GABRA2: variants seen among roughly 807,000 people sequenced by gnomAD.
GABRA2 encodes the protein gamma-aminobutyric acid type A receptor subunit alpha2.
A neutral mutation model predicts 48.7 loss-of-function variants in GABRA2; 16 were observed. The ratio of observed to expected loss-of-function variants is 0.33; its 90% CI spans 0.22 to 0.50. The LOEUF (loss-of-function observed/expected upper bound fraction) is 0.50. GABRA2 is among the 20% of genes least tolerant of loss of function. The pLI is 0.98. For synonymous variants in GABRA2, 185 were observed against 184.5 expected, an observed-to-expected ratio of 1.00 and a Z score of -0.02; for missense variants, 275 against 535.6, an observed-to-expected ratio of 0.51 and a Z score of 4.80.
intron 8 of GABRA2, among the ~76,000 whole-genome samples, chr4:46,300,797 A>T (rs1212280512): frequency 2.0e-5 from 3 of 152,060 alleles, no homozygotes; most frequent in African/African-American, 7.2e-5. Context: ...AAATCCATTG[A>T]TACCCTCCCT....
chr4:46,339,087 C>T (rs1364024354), intron 3 of GABRA2, among the ~76,000 whole-genome samples: 1 of 151,820 alleles, frequency 6.6e-6, no homozygotes, highest in African/African-American at 2.4e-5. Flanking sequence ...GTCATTCTGT[C>T]TTAAACTACA....
At chr4:46,340,911 T>C (rs535999591) in intron 3 of GABRA2, among the ~76,000 whole-genome samples, 1 of 152,108 alleles carries the variant, frequency 6.6e-6, no homozygotes, top group South Asian at 2.1e-4. Flanking sequence ...AAGGCTGTAT[T>C]CGTTTCTTCT....
rs575419416 is a variant in GABRA2 at position 46,382,711 on chromosome 4, T to A, written c.187+3363A>T. ...ACAATGGACTCTCCTTCTCTCAGAA[T>A]AAAATTCTATTATTCCCATTTTCCC... On this transcript the variant is annotated intron_variant, in intron 3 of 9. Transcript: ENST00000381620. Among the ~76,000 whole-genome samples, 89 of 152,290 alleles carry A rather than the reference T, an allele frequency of 5.8e-4. No individual in the cohort carries two copies. In the South Asian group the frequency reaches 0.014, roughly 23 times the overall value.
intron 8 of GABRA2, among the ~76,000 whole-genome samples, chr4:46,281,720 G>A (rs889996438): frequency 6.6e-6 from 1 of 152,152 alleles, no homozygotes; most frequent in Non-Finnish European, 1.5e-5. Flanking sequence ...GAGAAACTTT[G>A]AGGACAGTAA....
chr4:46,357,486 T>C (rs552402889), intron 3 of GABRA2, among the ~76,000 whole-genome samples: 2 of 150,150 alleles, frequency 1.3e-5, no homozygotes, highest in East Asian at 3.9e-4. Flanking sequence ...TTACTATGTG[T>C]ATAACCTTGG....
At chr4:46,360,506 C>T (rs1325130993) in intron 3 of GABRA2, among the ~76,000 whole-genome samples, 1 of 152,212 alleles carries the variant, frequency 6.6e-6, no homozygotes, top group Non-Finnish European at 1.5e-5. Context: ...GTGAGGCTTT[C>T]CCAGCCATGG....
rs1182899633 is a variant in GABRA2, at chr4:46,244,358, T to C, written c.*5950A>G. Reference sequence around the variant, plus strand: ...CAGTTGTTTTTACAAATAAACTTTGTTGGAAATATTCATGTATAGCCAATA... The same window carrying C: ...CAGTTGTTTTTACAAATAAACTTTGCTGGAAATATTCATGTATAGCCAATA... On this transcript the variant is annotated 3_prime_UTR_variant, in exon 10 of 10. Coordinates refer to ENST00000381620, the MANE Select transcript of GABRA2 (RefSeq NM_000807.4). The C allele has an allele frequency of 1.3e-5, 2 of 151,680 alleles. No individual in the cohort carries two copies. The highest frequency in any genetic ancestry group is 3.0e-5 in the Non-Finnish European group (2 of 67,732). 9.4% of individuals were successfully genotyped at this position (151,680 alleles called of 1,614,324 possible).
chr4:46,315,940 TATACAC>T (rs1409687942), intron 4 of GABRA2, among the ~76,000 whole-genome samples: 3 of 149,662 alleles, frequency 2.0e-5, no homozygotes, highest in East Asian at 2.0e-4. Context: ...TTAGTACATA[TATACAC>T]ACACACACAC....
intron 3 of GABRA2, among the ~76,000 whole-genome samples, chr4:46,355,254 G>T (rs1480617615): frequency 6.6e-6 from 1 of 152,076 alleles, no homozygotes; most frequent in Non-Finnish European, 1.5e-5. Context: ...ACTTCTTGCG[G>T]TATAAACATA....
chr4:46,294,903 C>T (rs187749315), intron 8 of GABRA2, among the ~76,000 whole-genome samples: 153 of 152,256 alleles, frequency 1.0e-3, no homozygotes, highest in Non-Finnish European at 1.4e-3. Flanking sequence ...CAGCAGCACT[C>T]GATCATCAAA....
chr4:46,378,284 G>A (rs1473815270), intron 3 of GABRA2, among the ~76,000 whole-genome samples: 24 of 152,270 alleles, frequency 1.6e-4, no homozygotes, highest in Middle Eastern at 6.8e-3. Context: ...AGAGGTAGAC[G>A]TGGGAGACTT....
rs1002830674 is a variant in GABRA2, at chr4:46,245,195, C to A, written c.*5113G>T. 1.3e-5 allele frequency among the ~76,000 whole-genome samples: 2 copies of A among 151,122 alleles called. No individual in the cohort carries two copies. Among genetic ancestry groups the A allele is most frequent in the Non-Finnish European group, 3.0e-5 (2 of 67,438 alleles). ...ACTAATATGCATAAAAAACTTAGAA[C>A]GTTGACTAGTATGTGATGGGCTCTC... On this transcript the variant is annotated 3_prime_UTR_variant, in exon 10 of 10. Coordinates refer to ENST00000381620, the MANE Select transcript of GABRA2 (RefSeq NM_000807.4).
intron 8 of GABRA2, among the ~76,000 whole-genome samples, chr4:46,283,430 C>T (rs1183286508): frequency 3.9e-5 from 6 of 152,108 alleles, no homozygotes; most frequent in East Asian, 1.9e-4. Context: ...ATGGTGCTGC[C>T]GTACTAGCCT....
chr4:46,367,490 A>G (rs544727428), intron 3 of GABRA2: 1 of 152,244 alleles, frequency 6.6e-6, no homozygotes, highest in African/African-American at 2.4e-5. Context: ...TTCAAAGAGT[A>G]TCTCTTTTTA....
intron 9 of GABRA2, among the ~76,000 whole-genome samples, chr4:46,251,170 C>T (rs1237632060): frequency 6.6e-6 from 1 of 151,396 alleles, no homozygotes; most frequent in Non-Finnish European, 1.5e-5. Context: ...TTGCTTAGCT[C>T]ATCCCGTTTC....
rs779732644 is a variant in GABRA2, at chr4:46,261,917, C to G, written c.1059+9G>C. ...TCTTAATAATGATAACACGGAAGCT[C>G]TCACTTACCTTGTCATTTACTACAC... On this transcript the variant is annotated intron_variant, in intron 9 of 9. Coordinates refer to ENST00000381620, the MANE Select transcript of GABRA2 (RefSeq NM_000807.4). The G allele has an allele frequency of 1.2e-5, 20 of 1,608,930 alleles. No individual in the cohort carries two copies. Among genetic ancestry groups the G allele is most frequent in the Admixed American group, 1.2e-4 (7 of 59,934 alleles).
At chr4:46,281,856 T>C (rs909729985) in intron 8 of GABRA2, among the ~76,000 whole-genome samples, 1 of 150,962 alleles carries the variant, frequency 6.6e-6, no homozygotes, top group Non-Finnish European at 1.5e-5. Context: ...ATATTTATCT[T>C]TCTTCTAGAG....
rs748219768 is a variant in GABRA2 at position 46,310,275 on chromosome 4, T to C, written c.477-20A>G. On this transcript the variant is annotated intron_variant, in intron 5 of 9. Coordinates refer to ENST00000381620, the MANE Select transcript of GABRA2 (RefSeq NM_000807.4). ...GTAAGCCTAAAAGTCAAAATTTCAC[T>C]ATTTGTTTAAGTATATTGGTAAGTC... 1.4e-5 allele frequency: 22 copies of C among 1,600,040 alleles called. 1 individual carries two copies. In the South Asian group the frequency reaches 2.2e-4, roughly 16 times the overall value.
intron 3 of GABRA2, chr4:46,365,602 A>G (rs1429316955): frequency 6.6e-6 from 1 of 152,104 alleles, no homozygotes; most frequent in African/African-American, 2.4e-5. Context: ...ATTACAAATA[A>G]TTTCATTACT....
Sources: gnomAD v4.1 joint callset for allele counts (sites outside exome capture counted in the v4.1 genomes callset) on GRCh38, gnomAD v4.1.1 for gene constraint, MANE v1.5 for transcripts, NCBI Gene and HGNC (gene_info 2026-07-23, HGNC 2026-07-21) for gene names.